The following PLEKHG1 variants were observed in gnomAD, a reference collection of about 807,000 sequenced individuals.
PLEKHG1 encodes the protein pleckstrin homology domain-containing family G member 1.
Under a neutral mutation model 100.8 loss-of-function variants are expected in PLEKHG1, and 44 were observed. That is an observed-to-expected ratio of 0.44 (90% CI 0.34 to 0.56). The LOEUF is 0.56. PLEKHG1 is among the 20% of genes least tolerant of loss of function. PLEKHG1 has a pLI of 0.01. For synonymous variants in PLEKHG1, 640 were observed against 662.5 expected, an observed-to-expected ratio of 0.97 and a Z score of 0.52; for missense variants, 1,545 against 1,720.9, an observed-to-expected ratio of 0.90 and a Z score of 1.81.
At chr6:150,649,482 A>G (rs1200672230) in intron 2 of PLEKHG1, among the ~76,000 whole-genome samples, 1 of 152,230 alleles carries the variant, frequency 6.6e-6, no homozygotes, top group East Asian at 1.9e-4. Flanking sequence ...TATTCGAGTA[A>G]CTTTTCTTCA....
At chr6:150,684,646 A>T (rs1489880726) in intron 3 of PLEKHG1, among the ~76,000 whole-genome samples, 1 of 152,120 alleles carries the variant, frequency 6.6e-6, no homozygotes, top group African/African-American at 2.4e-5. Context: ...TGGCAGCAGT[A>T]ATGATCGAGG....
At chr6:150,754,876 G>A (rs1783739138) in intron 2 of PLEKHG1, among the ~76,000 whole-genome samples, 1 of 151,980 alleles carries the variant, frequency 6.6e-6, no homozygotes, top group Admixed American at 6.6e-5. Flanking sequence ...CTCTGTGCTG[G>A]TCGGGCTAGT....
chr6:150,649,452 T>C (rs373387735), intron 2 of PLEKHG1, among the ~76,000 whole-genome samples: 1 of 152,252 alleles, frequency 6.6e-6, no homozygotes, highest in African/African-American at 2.4e-5. Flanking sequence ...TTTTGATTCA[T>C]CCCTCAATCA....
chr6:150,827,294 T>G (rs1435417411), intron 14 of PLEKHG1, among the ~76,000 whole-genome samples: 1 of 150,808 alleles, frequency 6.6e-6, no homozygotes, highest in East Asian at 1.9e-4. Flanking sequence ...TTTTTTTTTT[T>G]GAGATAGAGT....
chr6:150,637,925 A>C (rs529120023), intron 1 of PLEKHG1, among the ~76,000 whole-genome samples: 1 of 151,732 alleles, frequency 6.6e-6, no homozygotes, highest in East Asian at 1.9e-4. Flanking sequence ...TTTGTTTTTT[A>C]TTGTATGTAT....
At chr6:150,682,811 C>G (rs1427746058) in intron 3 of PLEKHG1, among the ~76,000 whole-genome samples, 2 of 152,104 alleles carry the variant, frequency 1.3e-5, no homozygotes, top group African/African-American at 4.8e-5. Context: ...CCTATGCATG[C>G]CAGTCTAATT....
At chr6:150,783,931 G>A (rs545461188) in intron 3 of PLEKHG1, among the ~76,000 whole-genome samples, 1 of 152,190 alleles carries the variant, frequency 6.6e-6, no homozygotes, top group South Asian at 2.1e-4. Flanking sequence ...TACAGATCTT[G>A]TTACTGCCTG....
intron 10 of PLEKHG1, among the ~76,000 whole-genome samples, chr6:150,815,216 G>A (rs963591648): frequency 3.3e-5 from 5 of 152,166 alleles, no homozygotes; most frequent in Non-Finnish European, 7.3e-5. Flanking sequence ...ATCAAGAAAT[G>A]TATCACCAGT....
At chr6:150,674,673 C>CTCTCTCTT in intron 3 of PLEKHG1, among the ~76,000 whole-genome samples, 1 of 145,568 alleles carries the variant, frequency 6.9e-6, no homozygotes, top group East Asian at 2.0e-4. Context: ...CTCTCTCTCT[C>CTCTCTCTT]TCTCTCTCTC....
intron 1 of PLEKHG1, among the ~76,000 whole-genome samples, chr6:150,633,751 C>T (rs1374271211): frequency 6.6e-6 from 1 of 152,008 alleles, no homozygotes; most frequent in Non-Finnish European, 1.5e-5. Context: ...AGAGAGGGAG[C>T]GTAGGCTCTA....
At chr6:150,765,407 T>C (rs1784406260) in intron 2 of PLEKHG1, among the ~76,000 whole-genome samples, 2 of 151,564 alleles carry the variant, frequency 1.3e-5, no homozygotes, top group Non-Finnish European at 2.9e-5. Flanking sequence ...GTCAGGAGAA[T>C]CGCTTGAACT....
intron 3 of PLEKHG1, among the ~76,000 whole-genome samples, chr6:150,716,082 T>C (rs1168465278): frequency 7.3e-6 from 1 of 137,146 alleles, no homozygotes; most frequent in Non-Finnish European, 1.5e-5. Context: ...CACTCCAGCC[T>C]GGGCGACAGA....
intron 2 of PLEKHG1, among the ~76,000 whole-genome samples, chr6:150,736,778 AAAAC>A (rs1274105315): frequency 6.6e-6 from 1 of 152,142 alleles, no homozygotes; most frequent in East Asian, 1.9e-4. Context: ...TTAAAAAACA[AAAAC>A]AAAAACAAAA....
intron 3 of PLEKHG1, among the ~76,000 whole-genome samples, chr6:150,676,602 T>C (rs953447930): frequency 6.6e-6 from 1 of 152,154 alleles, no homozygotes; most frequent in South Asian, 2.1e-4. Context: ...CAAGAACTTA[T>C]TGAGCAACTG....
upstream of PLEKHG1, among the ~76,000 whole-genome samples, chr6:150,718,076 CA>C (rs1196694394): frequency 2.6e-5 from 4 of 151,696 alleles, no homozygotes; most frequent in African/African-American, 4.8e-5. Context: ...GATTCTGTCT[CA>C]AAAAAATAAA....
intron 3 of PLEKHG1, among the ~76,000 whole-genome samples, chr6:150,654,808 A>T (rs966734297): frequency 3.3e-5 from 5 of 152,268 alleles, no homozygotes; most frequent in African/African-American, 1.2e-4. Flanking sequence ...GATTCACATT[A>T]TGAATAAGTA....
At chr6:150,676,915 C>T (rs1267122887) in intron 3 of PLEKHG1, among the ~76,000 whole-genome samples, 3 of 152,078 alleles carry the variant, frequency 2.0e-5, no homozygotes, top group Non-Finnish European at 4.4e-5. Flanking sequence ...TCCCTCCCTC[C>T]TCCCTCTCCT....
intron 1 of PLEKHG1, among the ~76,000 whole-genome samples, chr6:150,617,346 C>T (rs990132871): frequency 1.3e-5 from 2 of 152,208 alleles, no homozygotes; most frequent in African/African-American, 4.8e-5. Context: ...TTTTATCCTC[C>T]AGTTGAGTCA....
intron 3 of PLEKHG1, among the ~76,000 whole-genome samples, chr6:150,689,855 C>CAAAAAAAAA (rs58356927): frequency 1.2e-5 from 1 of 84,686 alleles, no homozygotes; most frequent in Non-Finnish European, 2.5e-5. Flanking sequence ...AACTCTGTCT[C>CAAAAAAAAA]AAAAAAAAAA....
Sources: gnomAD v4.1 joint callset for allele counts (sites outside exome capture counted in the v4.1 genomes callset) on GRCh38, gnomAD v4.1.1 for gene constraint, MANE v1.5 for transcripts, NCBI Gene and HGNC (gene_info 2026-07-23, HGNC 2026-07-21) for gene names.